The following ADAM10 variants were observed in gnomAD, a reference collection of about 807,000 sequenced individuals.
ADAM10 encodes the protein disintegrin and metalloproteinase domain-containing protein 10.
In ADAM10, 17 loss-of-function variants were observed where a neutral mutation model predicts 90.1. The ratio of observed to expected loss-of-function variants is 0.19; its 90% CI spans 0.13 to 0.28. The LOEUF (loss-of-function observed/expected upper bound fraction) is 0.28. Among genes scored for constraint, ADAM10 ranks in the 10% least tolerant of loss-of-function variants. The pLI, the probability that ADAM10 is intolerant of heterozygous loss-of-function variation, is 1.00. For missense variants in ADAM10, 610 were observed against 914.3 expected, an observed-to-expected ratio of 0.67 and a Z score of 4.29; for synonymous variants, 310 against 298.6, an observed-to-expected ratio of 1.04 and a Z score of -0.40.
intron 1 of ADAM10, among the ~76,000 whole-genome samples, chr15:58,737,748 C>G (rs1715797306): frequency 6.6e-6 from 1 of 152,156 alleles, no homozygotes; most frequent in South Asian, 2.1e-4. Context: ...TAAGCAAAAG[C>G]TTCCTTCCCA....
chr15:58,746,492 G>C (rs1899796709), intron 1 of ADAM10, among the ~76,000 whole-genome samples: 1 of 152,198 alleles, frequency 6.6e-6, no homozygotes, highest in Non-Finnish European at 1.5e-5. Context: ...ATGGGACTGT[G>C]CCGGAAATGG....
At chr15:58,599,750 G>GAAA in intron 14 of ADAM10, 26 bp from the exon 15 acceptor site, 6 of 1,429,642 alleles carry the variant, frequency 4.2e-6, no homozygotes, top group Non-Finnish European at 4.8e-6. Flanking sequence ...TTTTTCCACT[G>GAAA]AAAAAAAAAA....
At chr15:58,726,552 G>C (rs1490016310) in intron 1 of ADAM10, among the ~76,000 whole-genome samples, 1 of 98,534 alleles carries the variant, frequency 1.0e-5, no homozygotes, top group South Asian at 4.0e-4. Context: ...GCGACAGAGC[G>C]AGACCTCAGT....
intron 2 of ADAM10, among the ~76,000 whole-genome samples, chr15:58,711,231 A>C (rs1438170243): frequency 1.3e-5 from 2 of 152,240 alleles, no homozygotes; most frequent in Non-Finnish European, 2.9e-5. Flanking sequence ...TATTATATAC[A>C]AATCACATAT....
At chr15:58,603,414 C>A (rs556706624) in intron 14 of ADAM10, among the ~76,000 whole-genome samples, 1 of 152,226 alleles carries the variant, frequency 6.6e-6, no homozygotes, top group East Asian at 1.9e-4. Flanking sequence ...TTCCAAACAC[C>A]TGCTGGGGAA....
At chr15:58,662,102 C>T (rs1202811968) in intron 5 of ADAM10, among the ~76,000 whole-genome samples, 2 of 152,148 alleles carry the variant, frequency 1.3e-5, no homozygotes, top group Admixed American at 1.3e-4. Context: ...TTCTTGTCAT[C>T]TAGTAATGTT....
intron 2 of ADAM10, among the ~76,000 whole-genome samples, chr15:58,708,487 A>C (rs1216808340): frequency 6.6e-6 from 1 of 152,114 alleles, no homozygotes; most frequent in Non-Finnish European, 1.5e-5. Context: ...CACAGCAAGA[A>C]GCCCTATCTA....
intron 2 of ADAM10, among the ~76,000 whole-genome samples, chr15:58,683,272 A>G (rs574992142): frequency 6.6e-6 from 1 of 152,142 alleles, no homozygotes; most frequent in Admixed American, 6.5e-5. Flanking sequence ...ACAAAGTATT[A>G]CGTCTTTTTT....
At chr15:58,653,604 A>C (rs1332382907) in intron 5 of ADAM10, among the ~76,000 whole-genome samples, 2 of 152,140 alleles carry the variant, frequency 1.3e-5, no homozygotes, top group Non-Finnish European at 2.9e-5. Flanking sequence ...TGAATTGCTA[A>C]ATTCAGTTTG....
intron 5 of ADAM10, among the ~76,000 whole-genome samples, chr15:58,650,837 A>G (rs551008950): frequency 6.6e-6 from 1 of 152,268 alleles, no homozygotes; most frequent in East Asian, 1.9e-4. Flanking sequence ...TGTACTAATC[A>G]GTTGTTCTCT....
At chr15:58,629,690 T>C (rs1375130332) in intron 9 of ADAM10, among the ~76,000 whole-genome samples, 1 of 152,214 alleles carries the variant, frequency 6.6e-6, no homozygotes, top group East Asian at 1.9e-4. Flanking sequence ...CTATAACTAT[T>C]AAAATTTTGA....
chr15:58,748,867 G>T, intron 1 of ADAM10: 1 of 399,056 alleles, frequency 2.5e-6, no homozygotes, highest in South Asian at 1.3e-4. Flanking sequence ...AGCGGGTGAT[G>T]ACTGCTGCCA....
Position 58,608,666 on chromosome 15 carries a change from T to C in ADAM10, c.2025+1631A>G, listed in dbSNP as rs16940595. ...CCAGAGCACAAGAAAGGACTTCATG[T>C]TGCCAATTCATTGTGAAACATTTCA... On this transcript the variant is annotated intron_variant, in intron 14 of 15. Transcript: ENST00000260408. Among the ~76,000 whole-genome samples, 519 of 152,346 alleles carry C rather than the reference T, an allele frequency of 3.4e-3. 6 individuals are homozygous for C. The highest frequency in any genetic ancestry group is 0.012 in the African/African-American group (488 of 41,572).
At chr15:58,695,018 C>A (rs183048393) in intron 2 of ADAM10, among the ~76,000 whole-genome samples, 3 of 152,310 alleles carry the variant, frequency 2.0e-5, no homozygotes, top group African/African-American at 7.2e-5. Flanking sequence ...ATATACCTAA[C>A]ATGAATATAT....
At chr15:58,670,030 T>C (rs1227284826) in intron 4 of ADAM10, among the ~76,000 whole-genome samples, 2 of 152,054 alleles carry the variant, frequency 1.3e-5, no homozygotes, top group Non-Finnish European at 2.9e-5. Flanking sequence ...AATGCTATGA[T>C]AGTTTCACAG....
At chr15:58,714,292 T>TACACAC (rs71116591) in intron 2 of ADAM10, among the ~76,000 whole-genome samples, 17,044 of 142,824 alleles carry the variant, frequency 0.12, 1,106 homozygotes, top group East Asian at 0.24. Flanking sequence ...TACATACACA[T>TACACAC]ACACACACAC....
At chr15:58,651,268 CTT>C (rs1283151067) in intron 5 of ADAM10, among the ~76,000 whole-genome samples, 1 of 152,134 alleles carries the variant, frequency 6.6e-6, no homozygotes. Flanking sequence ...CAATTACACT[CTT>C]TTAGTTATTT....
At chr15:58,604,864 A>G (rs1189181568) in intron 14 of ADAM10, among the ~76,000 whole-genome samples, 1 of 152,114 alleles carries the variant, frequency 6.6e-6, no homozygotes, top group Non-Finnish European at 1.5e-5. Context: ...CCTCCTGAGT[A>G]GCTGGGACTA....
At chr15:58,615,071 G>A (rs989885304) in intron 11 of ADAM10, among the ~76,000 whole-genome samples, 5 of 151,876 alleles carry the variant, frequency 3.3e-5, no homozygotes, top group African/African-American at 7.3e-5. Flanking sequence ...TCAGGAGATC[G>A]AAACCATCCT....
Sources: allele counts gnomAD v4.1 joint callset (sites outside exome capture counted in the v4.1 genomes callset), GRCh38; gene constraint gnomAD v4.1.1; transcripts MANE v1.5; gene names NCBI Gene and HGNC (gene_info 2026-07-23, HGNC 2026-07-21).